Variants in CCDC141 observed in about 807,000 individuals in gnomAD.
CCDC141 encodes the protein coiled-coil domain containing 141.
Under a neutral mutation model 181.0 loss-of-function variants are expected in CCDC141, and 168 were observed. The ratio of observed to expected loss-of-function variants is 0.93; its 90% CI spans 0.82 to 1.05. The LOEUF (loss-of-function observed/expected upper bound fraction) is 1.05. CCDC141 is among the 50% of genes least tolerant of loss of function. CCDC141 has a pLI of 0.00. For synonymous variants in CCDC141, 666 were observed against 642.3 expected, an observed-to-expected ratio of 1.04 and a Z score of -0.56; for missense variants, 1,902 against 1,788.5, an observed-to-expected ratio of 1.06 and a Z score of -1.14.
chr2:178,981,431 A>G (rs1691387457), intron 2 of CCDC141, among the ~76,000 whole-genome samples: 1 of 151,810 alleles, frequency 6.6e-6, no homozygotes, highest in South Asian at 2.1e-4. Context: ...CTAAATGTCA[A>G]TAACAGAAAT....
intron 4 of CCDC141, 26 bp downstream of exon 4, chr2:178,975,031 C>T: frequency 8.4e-7 from 1 of 1,184,422 alleles, no homozygotes; most frequent in African/African-American, 1.5e-5. Context: ...CTAAACACTT[C>T]TGTGAGAAAT....
intron 21 of CCDC141, among the ~76,000 whole-genome samples, chr2:178,846,195 A>T (rs553021841): frequency 6.6e-6 from 1 of 152,304 alleles, no homozygotes; most frequent in Middle Eastern, 3.4e-3. Flanking sequence ...AAGAGGAATA[A>T]AATATCACTG....
chr2:178,882,122 A>T (rs1286109702), intron 11 of CCDC141, among the ~76,000 whole-genome samples: 1 of 152,062 alleles, frequency 6.6e-6, no homozygotes, highest in East Asian at 1.9e-4. Context: ...CTGTAATCCT[A>T]GCACTTTGAA....
At chr2:179,043,197 C>T (rs1419060226) in intron 2 of CCDC141, among the ~76,000 whole-genome samples, 2 of 152,082 alleles carry the variant, frequency 1.3e-5, no homozygotes, top group Non-Finnish European at 2.9e-5. Flanking sequence ...TTGAATAGGC[C>T]AATAATGAGT....
chr2:178,868,299 C>G (rs140730627), intron 15 of CCDC141, 94 bp from the exon 16 acceptor site: 2 of 1,001,466 alleles, frequency 2.0e-6, no homozygotes, highest in African/African-American at 3.2e-5. Flanking sequence ...GCTAGCTGGT[C>G]GAAATGCTGC....
At chr2:178,902,200 A>C (rs1687729976) in intron 8 of CCDC141, among the ~76,000 whole-genome samples, 1 of 152,236 alleles carries the variant, frequency 6.6e-6, no homozygotes, top group Non-Finnish European at 1.5e-5. Context: ...TTATAGATTC[A>C]ATGCTATCCC....
intron 22 of CCDC141, among the ~76,000 whole-genome samples, chr2:178,844,101 C>G (rs1684836592): frequency 2.0e-5 from 3 of 152,084 alleles, no homozygotes; most frequent in Admixed American, 2.0e-4. Context: ...ACTACTTTTA[C>G]TAAGTATAAA....
At position 178,931,684 on chromosome 2, in the gene CCDC141, C is replaced by T. The variant is rs547526217; in HGVS notation, c.898-12777G>A. On this transcript the variant is annotated intron_variant, in intron 6 of 23. Transcript: ENST00000443758. ...GGGAGAGAGGAATGAAGATTGACTG[C>T]TTAATGAGTGTGGTGTTTCTTTTTG... Among the ~76,000 whole-genome samples the T allele has an allele frequency of 8.5e-5, 13 of 152,190 alleles. No individual in the cohort carries two copies. The East Asian group carries it at 1.9e-3, about 23-fold the overall frequency.
chr2:178,907,907 G>A (rs1387990372), intron 7 of CCDC141, among the ~76,000 whole-genome samples: 1 of 151,930 alleles, frequency 6.6e-6, no homozygotes, highest in Non-Finnish European at 1.5e-5. Context: ...ACTGAGGCAA[G>A]AGAATCACTA....
Position 178,978,557 on chromosome 2 carries a change from G to T in CCDC141, c.344C>A (p.Ala115Asp). 2 of 1,549,248 alleles carry T rather than the reference G, an allele frequency of 1.3e-6. No individual in the cohort carries two copies. Among genetic ancestry groups the T allele is most frequent in the East Asian group, 4.9e-5 (2 of 40,770 alleles). Residue 115 changes from alanine to aspartate, a missense_variant, in exon 3 of 24, where the codon GCT becomes GAT. Physicochemically the swap from Ala to Asp is moderately radical, Grantham distance 126 (BLOSUM62 -2). Transcript: ENST00000443758. ...TCTTCTTTCAAGCATGGACACCAGAGCTGCCCATGCTTCACCCAGAGTCTC... is the reference window on the plus strand; with the variant it reads ...TCTTCTTTCAAGCATGGACACCAGATCTGCCCATGCTTCACCCAGAGTCTC... ...MAETLGEAWA[A>D]LVSMLERRTE...
intron 7 of CCDC141, among the ~76,000 whole-genome samples, chr2:178,912,172 G>A (rs1376361402): frequency 6.6e-6 from 1 of 152,060 alleles, no homozygotes; most frequent in East Asian, 1.9e-4. Context: ...TTACCCTCAA[G>A]AAATTTTAAT....
intron 4 of CCDC141, among the ~76,000 whole-genome samples, chr2:178,966,649 C>T (rs936944509): frequency 1.8e-4 from 28 of 152,036 alleles, no homozygotes; most frequent in African/African-American, 5.6e-4. Flanking sequence ...GGGGAAAAAC[C>T]AGTGCGAAAA....
intron 7 of CCDC141, among the ~76,000 whole-genome samples, chr2:178,913,489 T>C (rs1187516181): frequency 2.0e-5 from 3 of 152,174 alleles, no homozygotes; most frequent in South Asian, 4.1e-4. Flanking sequence ...AAAATGTGTT[T>C]ATTTTGAAAA....
chr2:178,982,723 G>A (rs755695333), intron 2 of CCDC141, among the ~76,000 whole-genome samples: 10 of 152,162 alleles, frequency 6.6e-5, no homozygotes, highest in Non-Finnish European at 1.2e-4. Context: ...CTGGAGAATC[G>A]GGTCACTCCC....
the CCDC141 span, among the ~76,000 whole-genome samples, chr2:178,823,795 T>A: frequency 6.6e-6 from 1 of 152,206 alleles, no homozygotes; most frequent in African/African-American, 2.4e-5. Flanking sequence ...TATCTGGAAA[T>A]CTTGTTTGAC....
chr2:178,817,793 T>TCCTTCCTTCCTC, the CCDC141 span: 6 of 218,290 alleles, frequency 2.7e-5, no homozygotes, highest in Admixed American at 2.8e-4. Context: ...CTTCCTTCCT[T>TCCTTCCTTCCTC]CCTCCCTCCC....
intron 6 of CCDC141, 142 bp downstream of exon 6, chr2:178,944,393 T>C (rs926922658): frequency 2.0e-5 from 9 of 441,672 alleles, no homozygotes; most frequent in Non-Finnish European, 3.6e-5. Flanking sequence ...TATTTGCTAA[T>C]GTTATTGGGA....
At chr2:179,014,198 CT>C (rs1323038141) in intron 2 of CCDC141, among the ~76,000 whole-genome samples, 1 of 151,978 alleles carries the variant, frequency 6.6e-6, no homozygotes, top group African/African-American at 2.4e-5. Context: ...ACAAATGGTG[CT>C]GGGATAATTG....
chr2:178,980,157 G>A (rs181675873), intron 2 of CCDC141, among the ~76,000 whole-genome samples: 14 of 152,278 alleles, frequency 9.2e-5, no homozygotes, highest in East Asian at 3.9e-4. Context: ...AAAAATTGGA[G>A]AGTAGATAGC....
Sources: gnomAD v4.1 joint callset for allele counts (sites outside exome capture counted in the v4.1 genomes callset) on GRCh38, gnomAD v4.1.1 for gene constraint, MANE v1.5 for transcripts, NCBI Gene and HGNC (gene_info 2026-07-23, HGNC 2026-07-21) for gene names.